GRM5: variants seen among roughly 807,000 people sequenced by gnomAD.
GRM5 encodes glutamate metabotropic receptor 5, also known as metabotropic glutamate receptor 5.
Under a neutral mutation model 83.1 loss-of-function variants are expected in GRM5, and 19 were observed. The ratio of observed to expected loss-of-function variants is 0.23; its 90% CI spans 0.16 to 0.34. GRM5 has a LOEUF of 0.34. GRM5 is among the 10% of genes least tolerant of loss of function. The pLI is 1.00. For synonymous variants in GRM5, 675 were observed against 633.6 expected, an observed-to-expected ratio of 1.07 and a Z score of -0.98; for missense variants, 1,160 against 1,588.3, an observed-to-expected ratio of 0.73 and a Z score of 4.58.
intron 2 of GRM5, among the ~76,000 whole-genome samples, chr11:88,990,576 C>T (rs1300936227): frequency 6.7e-6 from 1 of 149,844 alleles, no homozygotes; most frequent in South Asian, 2.1e-4. Flanking sequence ...GAATTTTAGA[C>T]CAATATCCTT....
chr11:88,864,239 T>C (rs545402487), intron 2 of GRM5, among the ~76,000 whole-genome samples: 2 of 151,022 alleles, frequency 1.3e-5, no homozygotes, highest in South Asian at 4.2e-4. Flanking sequence ...GGCCCAAACT[T>C]GATACATAAA....
In GRM5 at chr11:88,662,697, A is replaced by G. The variant is rs11828835; in HGVS notation, c.912-9294T>C. 3.8e-3 allele frequency among the ~76,000 whole-genome samples: 574 copies of G among 152,278 alleles called. 3 individuals carry two copies. The highest frequency in any genetic ancestry group is 0.013 in the African/African-American group (549 of 41,560). ...TCAAATGAGGGGGACTTGACATGAG[A>G]GAGCTAGAGGAGAATCTCCGTTGTT... On this transcript the variant is annotated intron_variant, in intron 3 of 9. Coordinates refer to ENST00000305447, the MANE Select transcript of GRM5 (RefSeq NM_001143831.3).
At chr11:88,755,538 C>T (rs886754797) in intron 3 of GRM5, among the ~76,000 whole-genome samples, 6 of 152,054 alleles carry the variant, frequency 3.9e-5, no homozygotes, top group Non-Finnish European at 8.8e-5. Flanking sequence ...ATTTACATTG[C>T]AATAACAGAT....
At chr11:88,911,116 C>T (rs1057386316) in intron 2 of GRM5, among the ~76,000 whole-genome samples, 10 of 151,974 alleles carry the variant, frequency 6.6e-5, no homozygotes, top group African/African-American at 1.9e-4. Context: ...ATGCAAGTCA[C>T]GTGTTCCCAA....
intron 2 of GRM5, among the ~76,000 whole-genome samples, chr11:88,930,017 C>T (rs1375491978): frequency 6.6e-6 from 1 of 152,054 alleles, no homozygotes; most frequent in Non-Finnish European, 1.5e-5. Flanking sequence ...AAAAAACTGT[C>T]ATCTCTCCAA....
intron 9 of GRM5, chr11:88,511,717 C>T (rs1456154976): frequency 6.6e-6 from 1 of 152,170 alleles, no homozygotes; most frequent in African/African-American, 2.4e-5. Flanking sequence ...TTTGCATTAG[C>T]CTGACTTACG....
chr11:88,877,358 GA>G (rs1342540813), intron 2 of GRM5, among the ~76,000 whole-genome samples: 3 of 151,918 alleles, frequency 2.0e-5, no homozygotes, highest in Admixed American at 6.6e-5. Context: ...AGACTACAGT[GA>G]AAAAAAGAAA....
rs185328222 is a variant in GRM5 at position 88,712,556 on chromosome 11, G to T, written c.912-59153C>A. ...AGGTGATCATCTTAACATCTTACTT[G>T]CATGGAAATAAGGTAGGATTCTTAA... On this transcript the variant is annotated intron_variant, in intron 3 of 9. Transcript: ENST00000305447. 3.4e-4 allele frequency among the ~76,000 whole-genome samples: 52 copies of T among 152,090 alleles called. No individual in the cohort carries two copies. In the East Asian group the frequency reaches 9.9e-3, roughly 29 times the overall value.
intron 4 of GRM5, among the ~76,000 whole-genome samples, chr11:88,642,254 C>T (rs747605487): frequency 6.6e-6 from 1 of 152,092 alleles, no homozygotes; most frequent in Non-Finnish European, 1.5e-5. Context: ...GCTTGAGTGG[C>T]CTGGATGTGG....
intron 2 of GRM5, among the ~76,000 whole-genome samples, chr11:89,001,197 A>T (rs920336611): frequency 6.6e-6 from 1 of 152,122 alleles, no homozygotes; most frequent in African/African-American, 2.4e-5. Context: ...CTATCATACA[A>T]TACAGCAATC....
chr11:88,706,303 A>G (rs1438993457), intron 3 of GRM5, among the ~76,000 whole-genome samples: 1 of 152,004 alleles, frequency 6.6e-6, no homozygotes, highest in Non-Finnish European at 1.5e-5. Flanking sequence ...TCCTCACTCA[A>G]GATTTAGGGC....
intron 2 of GRM5, among the ~76,000 whole-genome samples, chr11:88,926,295 GT>G (rs1945788468): frequency 6.6e-6 from 1 of 152,128 alleles, no homozygotes; most frequent in Admixed American, 6.6e-5. Context: ...ATTATACTTT[GT>G]TTTCTACAGT....
At chr11:88,626,972 GA>G (rs143968431) in intron 4 of GRM5, among the ~76,000 whole-genome samples, 13 of 150,858 alleles carry the variant, frequency 8.6e-5, no homozygotes, top group African/African-American at 2.7e-4. Flanking sequence ...CCAGCGCTGT[GA>G]AAAAAAAAAT....
chr11:89,017,883 T>A (rs1940897906), intron 2 of GRM5, among the ~76,000 whole-genome samples: 1 of 152,136 alleles, frequency 6.6e-6, no homozygotes, highest in African/African-American at 2.4e-5. Flanking sequence ...TAGATAAAAG[T>A]CTAGGTCAAT....
intron 2 of GRM5, among the ~76,000 whole-genome samples, chr11:88,884,448 G>A (rs1390805996): frequency 6.6e-6 from 1 of 152,212 alleles, no homozygotes; most frequent in Non-Finnish European, 1.5e-5. Flanking sequence ...ATAGGAGGAA[G>A]GAACATGCCT....
intron 2 of GRM5, among the ~76,000 whole-genome samples, chr11:88,913,736 G>A (rs554070817): frequency 7.2e-5 from 11 of 151,832 alleles, no homozygotes; most frequent in African/African-American, 2.2e-4. Flanking sequence ...ACCAGCATGT[G>A]CTCCCATGCC....
At chr11:88,520,261 A>C (rs1941645504) in intron 9 of GRM5, among the ~76,000 whole-genome samples, 3 of 152,166 alleles carry the variant, frequency 2.0e-5, no homozygotes, top group Admixed American at 6.5e-5. Context: ...TAGAATATTA[A>C]TATGGAATTG....
At chr11:88,974,383 A>AGATAGATG (rs1304608350) in intron 2 of GRM5, among the ~76,000 whole-genome samples, 1 of 143,842 alleles carries the variant, frequency 7.0e-6, no homozygotes, top group Non-Finnish European at 1.5e-5. Flanking sequence ...AGAGATAGAT[A>AGATAGATG]GATAGATAGA....
At chr11:88,702,578 C>T (rs1253331926) in intron 3 of GRM5, among the ~76,000 whole-genome samples, 1 of 152,092 alleles carries the variant, frequency 6.6e-6, no homozygotes, top group Non-Finnish European at 1.5e-5. Context: ...AGGGCCATTT[C>T]ATATGATCAC....
Sources: allele counts gnomAD v4.1 joint callset (sites outside exome capture counted in the v4.1 genomes callset), GRCh38; gene constraint gnomAD v4.1.1; transcripts MANE v1.5; gene names NCBI Gene and HGNC (gene_info 2026-07-23, HGNC 2026-07-21).